TNIK: variants seen among roughly 807,000 people sequenced by gnomAD.
TNIK encodes TRAF2 and NCK interacting kinase.
Under a neutral mutation model 191.3 loss-of-function variants are expected in TNIK, and 49 were observed. The observed-to-expected ratio is 0.26, with a 90% CI of 0.20 to 0.32. TNIK has a LOEUF of 0.32. TNIK is among the 10% of genes least tolerant of loss of function. TNIK has a pLI of 1.00. For synonymous variants in TNIK, 594 were observed against 600.9 expected, an observed-to-expected ratio of 0.99 and a Z score of 0.17; for missense variants, 1,155 against 1,702.3, an observed-to-expected ratio of 0.68 and a Z score of 5.66.
At chr3:171,240,682 G>T (rs1016694635) in intron 2 of TNIK, among the ~76,000 whole-genome samples, 3 of 152,112 alleles carry the variant, frequency 2.0e-5, no homozygotes, top group Non-Finnish European at 4.4e-5. Flanking sequence ...TTCAGGTCTT[G>T]ACTTGAATGG....
intron 2 of TNIK, among the ~76,000 whole-genome samples, chr3:171,252,122 A>C (rs1196061131): frequency 6.6e-6 from 1 of 151,872 alleles, no homozygotes; most frequent in Non-Finnish European, 1.5e-5. Flanking sequence ...AGCCAAAACA[A>C]TCTCCTATGT....
chr3:171,183,115 T>C (rs2108805694), intron 7 of TNIK, among the ~76,000 whole-genome samples: 1 of 152,332 alleles, frequency 6.6e-6, no homozygotes, highest in East Asian at 1.9e-4. Flanking sequence ...CAGGGAGCTC[T>C]GGTACTCAGT....
At chr3:171,356,936 A>G (rs991967295) in intron 2 of TNIK, among the ~76,000 whole-genome samples, 1 of 152,208 alleles carries the variant, frequency 6.6e-6, no homozygotes, top group Admixed American at 6.5e-5. Flanking sequence ...TCCCAAAGAC[A>G]TGGTAGAAGA....
chr3:171,151,747 C>T (rs1482074585), intron 12 of TNIK, among the ~76,000 whole-genome samples: 1 of 152,212 alleles, frequency 6.6e-6, no homozygotes, highest in Non-Finnish European at 1.5e-5. Context: ...TTACCAAATG[C>T]TCTGCTGTCC....
In TNIK at chr3:171,079,512, A is replaced by C. The variant is rs780744180; in HGVS notation, c.3448+6T>G. ...CAAACTTATAATTCCATGTCTTGAGACTTACCAACTTTATAATGTATACAG... is the reference window on the plus strand; with the variant it reads ...CAAACTTATAATTCCATGTCTTGAGCCTTACCAACTTTATAATGTATACAG... On this transcript the variant is annotated splice_donor_region_variant and intron_variant, in intron 28 of 32. Coordinates refer to ENST00000436636, the MANE Select transcript of TNIK (RefSeq NM_015028.4). The C allele has an allele frequency of 3.1e-6, 5 of 1,610,272 alleles. No individual in the cohort carries two copies. In the African/African-American group the frequency reaches 5.3e-5, roughly 17 times the overall value.
intron 7 of TNIK, among the ~76,000 whole-genome samples, chr3:171,183,794 G>A (rs535840760): frequency 3.0e-4 from 46 of 151,926 alleles, no homozygotes; most frequent in African/African-American, 9.4e-4. Flanking sequence ...GGTGGCGGGC[G>A]CCTGTAATCC....
At chr3:171,440,769 C>T (rs1726700322) in intron 1 of TNIK, among the ~76,000 whole-genome samples, 1 of 152,108 alleles carries the variant, frequency 6.6e-6, no homozygotes, top group Non-Finnish European at 1.5e-5. Context: ...GAACAAATGG[C>T]ACATTATGAT....
chr3:171,175,882 G>A (rs747389587), intron 8 of TNIK, among the ~76,000 whole-genome samples: 7 of 152,114 alleles, frequency 4.6e-5, no homozygotes, highest in African/African-American at 2.4e-5. Context: ...GTTTCGTAAC[G>A]GGTTTTGTTT....
In TNIK at chr3:171,159,837, T is replaced by C. The variant is rs1030221652; in HGVS notation, c.1016+1433A>G. On this transcript the variant is annotated intron_variant, in intron 11 of 32. Coordinates refer to ENST00000436636, the MANE Select transcript of TNIK (RefSeq NM_015028.4). This position sits in a 1 kb window ranked among gnomAD's most constrained non-coding sequence, Gnocchi z 4.1. The stretch of plus-strand genomic sequence containing the variant: ...AACAGGACTTGGACTTAAAGTATAA[T>C]AACAACAACAACAGGACTTGGAACA... Among the ~76,000 whole-genome samples, 6 of 152,198 alleles carry C rather than the reference T, an allele frequency of 3.9e-5. No individual in the cohort carries two copies. The highest frequency in any genetic ancestry group is 1.4e-4 in the African/African-American group (6 of 41,446).
At chr3:171,084,726 TG>T (rs1364936030) in intron 25 of TNIK, among the ~76,000 whole-genome samples, 3 of 152,212 alleles carry the variant, frequency 2.0e-5, no homozygotes, top group Non-Finnish European at 4.4e-5. Context: ...TAAATCAGCC[TG>T]ATCTTTGTGG....
intron 9 of TNIK, among the ~76,000 whole-genome samples, chr3:171,173,089 A>G (rs990327846): frequency 6.6e-6 from 1 of 152,044 alleles, no homozygotes; most frequent in African/African-American, 2.4e-5. Context: ...GGTTAAGATG[A>G]AAACAGGAGA....
chr3:171,140,366 G>A (rs994784398), intron 13 of TNIK, 33 bp downstream of exon 13: 3 of 1,506,866 alleles, frequency 2.0e-6, no homozygotes, highest in Non-Finnish European at 8.9e-7. Flanking sequence ...GTCCCCGGGG[G>A]GCCATCAGTG....
chr3:171,116,708 A>G (rs1312952485), intron 18 of TNIK, among the ~76,000 whole-genome samples: 1 of 107,098 alleles, frequency 9.3e-6, no homozygotes, highest in Non-Finnish European at 2.2e-5. Context: ...GGTATTTCTG[A>G]CTTAATTTGA....
intron 7 of TNIK, among the ~76,000 whole-genome samples, chr3:171,186,035 G>A (rs897861609): frequency 5.2e-4 from 79 of 152,116 alleles, no homozygotes; most frequent in African/African-American, 1.3e-3. Context: ...TGAAATCCTC[G>A]GGCTTTGATG....
chr3:171,264,563 C>T (rs1298483737), intron 2 of TNIK, among the ~76,000 whole-genome samples: 2 of 152,182 alleles, frequency 1.3e-5, no homozygotes, highest in African/African-American at 4.8e-5. Flanking sequence ...CCATGTTGGT[C>T]AGGCTGGTCA....
chr3:171,062,441 A>G lies in TNIK; in HGVS notation c.*1440T>C, dbSNP rs1360694905. On this transcript the variant is annotated 3_prime_UTR_variant, in exon 33 of 33. Coordinates refer to ENST00000436636, the MANE Select transcript of TNIK (RefSeq NM_015028.4). Reference sequence around the variant, plus strand: ...AAGCGCAACACAGATATTGTTTGCAACACCTCGATACCACAGGCGGCCATG... The same window carrying G: ...AAGCGCAACACAGATATTGTTTGCAGCACCTCGATACCACAGGCGGCCATG... 6.6e-6 allele frequency: 1 copy of G among 152,148 alleles called. No homozygotes were observed. The highest frequency in any genetic ancestry group is 1.5e-5 in the Non-Finnish European group (1 of 68,026). The allele number at this position is 152,148 out of a possible 1,614,324, so 9.4% of individuals were successfully genotyped here.
At chr3:171,067,576 A>AGGAGAAT (rs1263594282) in intron 30 of TNIK, among the ~76,000 whole-genome samples, 1 of 151,674 alleles carries the variant, frequency 6.6e-6, no homozygotes, top group Non-Finnish European at 1.5e-5. Flanking sequence ...AGGCTGAGGC[A>AGGAGAAT]GGAGAATGGT....
intron 1 of TNIK, among the ~76,000 whole-genome samples, chr3:171,437,679 T>C (rs1378227890): frequency 1.3e-5 from 2 of 152,252 alleles, no homozygotes; most frequent in African/African-American, 2.4e-5. Flanking sequence ...TGCCACCATG[T>C]AGATTCCATC....
intron 2 of TNIK, among the ~76,000 whole-genome samples, chr3:171,247,931 A>C (rs901995826): frequency 6.6e-6 from 1 of 152,204 alleles, no homozygotes; most frequent in Non-Finnish European, 1.5e-5. Context: ...GGTAGAAAAA[A>C]GTTGCTTGGT....
Sources: allele counts gnomAD v4.1 joint callset (sites outside exome capture counted in the v4.1 genomes callset), GRCh38; gene constraint gnomAD v4.1.1; non-coding constraint Gnocchi (gnomAD v3.1); transcripts MANE v1.5; gene names NCBI Gene and HGNC (gene_info 2026-07-23, HGNC 2026-07-21).